The following FANK1 variants were observed in gnomAD, a reference collection of about 807,000 sequenced individuals.
The protein encoded by FANK1 is fibronectin type 3 and ankyrin repeat domains protein 1.
A neutral mutation model predicts 45.3 loss-of-function variants in FANK1; 44 were observed. That is an observed-to-expected ratio of 0.97 (90% CI 0.76 to 1.25). The LOEUF (loss-of-function observed/expected upper bound fraction) is 1.25, where lower values mean the gene tolerates loss of function less well. Ranked by LOEUF, FANK1 falls within the 50% of genes most tolerant of loss-of-function variation. FANK1 has a pLI of 0.00. For synonymous variants in FANK1, 149 were observed against 152.5 expected, an observed-to-expected ratio of 0.98 and a Z score of 0.17; for missense variants, 391 against 424.4, an observed-to-expected ratio of 0.92 and a Z score of 0.69.
chr10:125,977,397 T>C (rs1169129506), intron 1 of FANK1, among the ~76,000 whole-genome samples: 1 of 152,178 alleles, frequency 6.6e-6, no homozygotes, highest in African/African-American at 2.4e-5. Context: ...TGTGATCCAG[T>C]AGGTGGCGCT....
At chr10:125,908,696 TA>T (rs1945741509) in intron 1 of FANK1, among the ~76,000 whole-genome samples, 1 of 151,910 alleles carries the variant, frequency 6.6e-6, no homozygotes, top group African/African-American at 2.4e-5. Context: ...AAATCACCAC[TA>T]AAGAACTTAC....
chr10:125,997,476 G>T lies in FANK1; in HGVS notation c.530G>T (p.Gly177Val), dbSNP rs889325752. The change falls in exon 6 of 11, where the codon GGC (glycine) becomes GTC (valine). Residue 177 changes from glycine (G) to valine (V), a missense_variant. By Grantham distance (109) the Gly-to-Val change is moderately radical (BLOSUM62 -3). Coordinates refer to ENST00000368693, the MANE Select transcript of FANK1 (RefSeq NM_145235.5). ...GACGTGAATCTGAAGAATGGAAGTG[G>T]CAAGGACAGGTAGGAGGTGGGATAT... ...GTDVNLKNGS[G>V]KDSLMLACYA... is the part of the protein sequence containing the mutation. 6 of 1,613,674 alleles carry T rather than the reference G, an allele frequency of 3.7e-6. No individual in the cohort carries two copies. The highest frequency in any genetic ancestry group is 1.7e-5 in the Admixed American group (1 of 59,918).
chr10:125,956,159 T>G (rs374408918), intron 1 of FANK1, among the ~76,000 whole-genome samples: 3 of 131,736 alleles, frequency 2.3e-5, no homozygotes, highest in African/African-American at 8.5e-5. Flanking sequence ...TTACACACGA[T>G]CTACTCTTGA....
intron 6 of FANK1, among the ~76,000 whole-genome samples, chr10:126,001,490 G>GCGCT (rs1025401233): frequency 6.6e-6 from 1 of 152,162 alleles, no homozygotes; most frequent in Non-Finnish European, 1.5e-5. Flanking sequence ...CAAGCGGAGC[G>GCGCT]GGTCCTCCAT....
chr10:125,977,671 G>C (rs548422483), intron 1 of FANK1, among the ~76,000 whole-genome samples: 2 of 152,258 alleles, frequency 1.3e-5, no homozygotes, highest in African/African-American at 4.8e-5. Context: ...CTCCACCTCA[G>C]AGAGATGTGG....
At chr10:125,923,099 C>G (rs1172656865) in intron 1 of FANK1, among the ~76,000 whole-genome samples, 4 of 151,644 alleles carry the variant, frequency 2.6e-5, no homozygotes, top group Admixed American at 1.3e-4. Context: ...ATTACTGATT[C>G]AATATATTTA....
chr10:125,937,708 A>G (rs376694599), intron 1 of FANK1, among the ~76,000 whole-genome samples: 16 of 152,174 alleles, frequency 1.1e-4, no homozygotes, highest in African/African-American at 3.1e-4. Flanking sequence ...AATGATGTAT[A>G]TACCTTTTGT....
At chr10:125,944,316 TAAAA>T (rs1249430934) in intron 1 of FANK1, among the ~76,000 whole-genome samples, 1 of 152,242 alleles carries the variant, frequency 6.6e-6, no homozygotes, top group Non-Finnish European at 1.5e-5. Flanking sequence ...TTTGGATAAA[TAAAA>T]GTCATATTTG....
chr10:125,898,015 A>AGCC (rs1944709768), intron 1 of FANK1, among the ~76,000 whole-genome samples: 1 of 133,708 alleles, frequency 7.5e-6, no homozygotes, highest in East Asian at 2.4e-4. Context: ...AAAAAAAAAA[A>AGCC]AAAAAAAAAA....
chr10:125,985,351 T>C (rs749442993), intron 2 of FANK1, among the ~76,000 whole-genome samples: 1 of 152,224 alleles, frequency 6.6e-6, no homozygotes, highest in Non-Finnish European at 1.5e-5. Flanking sequence ...ATCTAAGTAT[T>C]CATGGACCTA....
intron 1 of FANK1, among the ~76,000 whole-genome samples, chr10:125,963,922 G>T (rs968177504): frequency 7.9e-5 from 12 of 151,974 alleles, no homozygotes; most frequent in African/African-American, 2.9e-4. Flanking sequence ...AGATAATTTT[G>T]CAGTGCAGCT....
intron 1 of FANK1, among the ~76,000 whole-genome samples, chr10:125,936,285 T>C (rs560219994): frequency 6.6e-4 from 101 of 152,188 alleles, no homozygotes; most frequent in Non-Finnish European, 1.2e-3. Context: ...TAGTGATTTA[T>C]TTTTTGTCCT....
chr10:125,961,157 A>G (rs980381331), intron 1 of FANK1, among the ~76,000 whole-genome samples: 1 of 152,166 alleles, frequency 6.6e-6, no homozygotes, highest in Non-Finnish European at 1.5e-5. Context: ...CCCAGGCTGG[A>G]GTGCAATGGC....
At chr10:125,940,494 G>T (rs1275216055) in intron 1 of FANK1, among the ~76,000 whole-genome samples, 1 of 152,188 alleles carries the variant, frequency 6.6e-6, no homozygotes, top group African/African-American at 2.4e-5. Context: ...CTCGCCTCCA[G>T]CCACAGGGCG....
intron 1 of FANK1, among the ~76,000 whole-genome samples, chr10:125,914,221 C>A (rs78751843): frequency 6.7e-6 from 1 of 149,588 alleles, no homozygotes; most frequent in East Asian, 2.0e-4. Context: ...ATGTCACATT[C>A]TAAATTTGTA....
chr10:125,972,154 T>G (rs1950558273), intron 1 of FANK1: 2 of 152,306 alleles, frequency 1.3e-5, no homozygotes, highest in South Asian at 4.1e-4. Flanking sequence ...GTGGTGAAAG[T>G]TAAATGAATA....
rs36096032 is a variant in FANK1, at chr10:126,004,901, A to G, written c.557A>G (p.Tyr186Cys). 1,464 of 1,614,186 alleles carry G rather than the reference A, an allele frequency of 9.1e-4. 11 individuals are homozygous for G. The African/African-American group carries it at 0.014, about 16-fold the overall frequency. Residue 186 changes from tyrosine (Y) to cysteine (C), a missense_variant, in exon 7 of 11, where the codon TAT becomes TGT. Tyr to Cys is a radical substitution (Grantham distance 194, BLOSUM62 -2). Transcript: ENST00000368693. ...SGKDSLMLACYAGHLDVVKYL... is the reference protein window; with the variant it reads ...SGKDSLMLACCAGHLDVVKYL... ...TGTTGCAGTCTAATGCTGGCGTGCT[A>G]TGCGGGACACCTAGATGTTGTGAAA...
intron 1 of FANK1, among the ~76,000 whole-genome samples, chr10:125,937,096 A>AT (rs1948154169): frequency 6.6e-6 from 1 of 152,108 alleles, no homozygotes; most frequent in Admixed American, 6.5e-5. Context: ...TAATACCTCT[A>AT]TGAGCATTCT....
At chr10:125,985,759 G>C (rs966096395) in intron 2 of FANK1, among the ~76,000 whole-genome samples, 3 of 152,184 alleles carry the variant, frequency 2.0e-5, no homozygotes, top group Admixed American at 2.0e-4. Flanking sequence ...GCCCCATGTG[G>C]TCTTGGCCGT....
Sources: gnomAD v4.1 joint callset for allele counts (sites outside exome capture counted in the v4.1 genomes callset) on GRCh38, gnomAD v4.1.1 for gene constraint, MANE v1.5 for transcripts, NCBI Gene and HGNC (gene_info 2026-07-23, HGNC 2026-07-21) for gene names.